Variants in PKD1L1 observed in about 807,000 individuals in gnomAD.
PKD1L1 encodes polycystin-1-like protein 1.
PKD1L1 carries 236 observed loss-of-function variants against 323.4 expected under a neutral mutation model. The ratio of observed to expected loss-of-function variants is 0.73; its 90% CI spans 0.66 to 0.81. The LOEUF is 0.81. PKD1L1 is among the 40% of genes least tolerant of loss of function. The pLI, the probability that PKD1L1 is intolerant of heterozygous loss-of-function variation, is 0.00. For synonymous variants in PKD1L1, 1,344 were observed against 1,335.0 expected (o/e 1.01, Z -0.15); for missense variants, 3,320 against 3,508.0 (o/e 0.95, Z 1.35).
chr7:47,839,679 C>G lies in PKD1L1; in HGVS notation c.5553-17G>C, dbSNP rs1255706247. The G allele has an allele frequency of 1.9e-6, 3 of 1,554,090 alleles. No individual in the cohort carries two copies. The highest frequency in any genetic ancestry group is 2.6e-6 in the Non-Finnish European group (3 of 1,148,220). ...GCAGGAGCGCTGGAGGCACACACAGCAGCATCTCAGCCGGGTGGGTGACAG... is the reference window on the plus strand; with the variant it reads ...GCAGGAGCGCTGGAGGCACACACAGGAGCATCTCAGCCGGGTGGGTGACAG... On this transcript the variant is annotated splice_polypyrimidine_tract_variant and intron_variant, in intron 35 of 56. Transcript: ENST00000289672. This position sits in a 1 kb window ranked among gnomAD's most constrained non-coding sequence, Gnocchi z 4.3.
the PKD1L1 span, chr7:47,957,180 A>T: frequency 5.4e-6 from 1 of 185,606 alleles, no homozygotes; most frequent in Non-Finnish European, 1.2e-5. Context: ...ACCACTAGAA[A>T]TGCTGCAAAT....
At chr7:47,926,187 A>C (rs1787653958) in intron 7 of PKD1L1, among the ~76,000 whole-genome samples, 1 of 152,216 alleles carries the variant, frequency 6.6e-6, no homozygotes, top group Non-Finnish European at 1.5e-5. Context: ...CTTCTCTCTG[A>C]AGGCTGCTAC....
In PKD1L1 at chr7:47,792,714, G is replaced by A. The variant is rs781599981; in HGVS notation, c.8439C>T (p.Pro2813=). The A allele has an allele frequency of 4.3e-6, 7 of 1,614,076 alleles. No homozygotes were observed. Among genetic ancestry groups the A allele is most frequent in the East Asian group, 4.5e-5 (2 of 44,864 alleles). The part of the protein sequence containing the change: ...INGLSDSLQL[P]LLEKTSNNTG... The stretch of plus-strand genomic sequence containing the variant: ...TGTTGTTGGATGTTTTTTCCAGAAG[G>A]GGGAGTTGTAGGCTGTCGGACAAAC... Residue 2813 remains proline, a synonymous_variant, in exon 56 of 57, where the codon CCC becomes CCT. Coordinates refer to ENST00000289672, the MANE Select transcript of PKD1L1 (RefSeq NM_138295.5).
chr7:47,905,549 A>T (rs977601747), intron 10 of PKD1L1, among the ~76,000 whole-genome samples: 6 of 152,232 alleles, frequency 3.9e-5, no homozygotes, highest in Admixed American at 6.5e-5. Context: ...GGTGCTCCTA[A>T]GGCCATAGGG....
At chr7:47,960,737 A>G in the PKD1L1 span, among the ~76,000 whole-genome samples, 1 of 152,024 alleles carries the variant, frequency 6.6e-6, no homozygotes, top group East Asian at 1.9e-4. Flanking sequence ...AGACTTCTCA[A>G]AAGAAGACAA....
In PKD1L1 at chr7:47,829,551, G is replaced by C; in HGVS notation, c.6609C>G (p.His2203Gln). 6.2e-7 allele frequency: 1 copy of C among 1,613,638 alleles called. No individual in the cohort carries two copies. The highest frequency in any genetic ancestry group is 8.5e-7 in the Non-Finnish European group (1 of 1,179,922). ...GFAWKRRADNHFFTESLCEAT... is the reference protein window; with the variant it reads ...GFAWKRRADNQFFTESLCEAT... Reference sequence around the variant, plus strand: ...CCTCACATAAAGACTCAGTAAAAAAGTGGTTGTCAGCTCTTCTTTTCCAAG... The same window carrying C: ...CCTCACATAAAGACTCAGTAAAAAACTGGTTGTCAGCTCTTCTTTTCCAAG... Residue 2203 changes from histidine (H) to glutamine (Q), a missense_variant, in exon 44 of 57, where the codon CAC becomes CAG. Coordinates refer to ENST00000289672, the MANE Select transcript of PKD1L1 (RefSeq NM_138295.5).
At chr7:47,883,879 C>A (rs1786620019) in intron 19 of PKD1L1, among the ~76,000 whole-genome samples, 1 of 152,228 alleles carries the variant, frequency 6.6e-6, no homozygotes, top group Admixed American at 6.5e-5. Context: ...ACTAGACATC[C>A]ATCTCTTCAC....
In PKD1L1 at chr7:47,880,885, G is replaced by T. The variant is rs79012260; in HGVS notation, c.3443-80C>A. The T allele has an allele frequency of 0.29, 323,461 of 1,111,866 alleles. 50,525 individuals are homozygous for T. The highest frequency in any genetic ancestry group is 0.56 in the African/African-American group (34,314 of 61,446). 68.9% of individuals were successfully genotyped at this position (1,111,866 alleles called of 1,614,324 possible). On this transcript the variant is annotated intron_variant, in intron 20 of 56. Coordinates refer to ENST00000289672, the MANE Select transcript of PKD1L1 (RefSeq NM_138295.5). The stretch of plus-strand genomic sequence containing the variant: ...GGTCACACAGAGTCCTTGGAAATGA[G>T]TTCCACTCTTCCCCCAGGGGTGAAA...
At chr7:47,914,468 A>G (rs1201214175) in intron 8 of PKD1L1, among the ~76,000 whole-genome samples, 1 of 152,222 alleles carries the variant, frequency 6.6e-6, no homozygotes, top group Non-Finnish European at 1.5e-5. Context: ...ATGAGGTGGG[A>G]GTGCCCATGC....
the PKD1L1 span, among the ~76,000 whole-genome samples, chr7:47,959,300 G>C: frequency 6.6e-6 from 1 of 151,300 alleles, no homozygotes; most frequent in Admixed American, 6.6e-5. Context: ...GGGATGTGAG[G>C]AGCCCCTCTG....
intron 56 of PKD1L1, among the ~76,000 whole-genome samples, chr7:47,782,667 T>C (rs1248258699): frequency 1.3e-5 from 2 of 152,232 alleles, no homozygotes; most frequent in Non-Finnish European, 2.9e-5. Flanking sequence ...CCATGTGTGC[T>C]AGCTGTAACT....
Position 47,888,013 on chromosome 7 carries a change from G to T in PKD1L1, c.2813C>A (p.Ala938Glu). 6.2e-7 allele frequency: 1 copy of T among 1,613,474 alleles called. No individual in the cohort carries two copies. The highest frequency in any genetic ancestry group is 8.5e-7 in the Non-Finnish European group (1 of 1,179,522). Residue 938 changes from alanine (A) to glutamate (E), a missense_variant, in exon 17 of 57, where the codon GCA becomes GAA. Coordinates refer to ENST00000289672, the MANE Select transcript of PKD1L1 (RefSeq NM_138295.5). Reference sequence around the variant, plus strand: ...ACCTTCTATCCTATTCTTTTCTGTTGCATTGACTAAAAAGAGATCCCAGGA... The same window carrying T: ...ACCTTCTATCCTATTCTTTTCTGTTTCATTGACTAAAAAGAGATCCCAGGA... Reference protein sequence around the residue: ...SYSWDLFLVNATEKNRIEVPF... With the variant: ...SYSWDLFLVNETEKNRIEVPF...
chr7:47,953,809 T>C, the PKD1L1 span, among the ~76,000 whole-genome samples: 2 of 152,196 alleles, frequency 1.3e-5, no homozygotes, highest in African/African-American at 2.4e-5. Flanking sequence ...TCTGCCTCCT[T>C]GGCAGGGTTT....
At chr7:47,813,008 C>T (rs971628259) in intron 49 of PKD1L1, 113 bp downstream of exon 49, 23 of 1,332,252 alleles carry the variant, frequency 1.7e-5, no homozygotes, top group East Asian at 4.6e-5. Flanking sequence ...GCGCTGACCT[C>T]GCAGGCCTGT....
At chr7:47,778,868 C>T (rs976197511) in intron 56 of PKD1L1, among the ~76,000 whole-genome samples, 1 of 152,206 alleles carries the variant, frequency 6.6e-6, no homozygotes, top group African/African-American at 2.4e-5. Context: ...GGACTTACTT[C>T]AAATGCAAGG....
At chr7:47,793,887 G>A (rs1481440833) in intron 55 of PKD1L1, among the ~76,000 whole-genome samples, 1 of 152,152 alleles carries the variant, frequency 6.6e-6, no homozygotes, top group Non-Finnish European at 1.5e-5. Context: ...GGGAACTGGA[G>A]CAAAGGTGAC....
Position 47,796,049 on chromosome 7 carries a change from G to A in PKD1L1, c.8295C>T (p.Val2765=), listed in dbSNP as rs749213464. The A allele has an allele frequency of 1.9e-6, 3 of 1,612,592 alleles. No homozygotes were observed. The highest frequency in any genetic ancestry group is 4.5e-5 in the East Asian group (2 of 44,848). ...KDVTAYMWEK[V]LTFLRLETPK... is the part of the protein sequence containing the mutation. Reference sequence around the variant, plus strand: ...GTGTTTCCAGTCTCAGAAAGGTGAGGACCTTTTCCCACATATAAGCAGTGA... The same window carrying A: ...GTGTTTCCAGTCTCAGAAAGGTGAGAACCTTTTCCCACATATAAGCAGTGA... Residue 2765 remains valine (V), a synonymous_variant, in exon 55 of 57, where the codon GTC becomes GTT. Coordinates refer to ENST00000289672, the MANE Select transcript of PKD1L1 (RefSeq NM_138295.5).
Position 47,931,181 on chromosome 7 carries a change from C to G in PKD1L1, c.660G>C (p.Lys220Asn). ...AGCTGGTCTGAGTGGGTCTGGCCAC[C>G]TTGGTGGGGGTCTCCATCGTGACAG... Reference protein sequence around the residue: ...PGTVTMETPTKVARPTQTSSQ... With the variant: ...PGTVTMETPTNVARPTQTSSQ... Residue 220 changes from lysine (K) to asparagine (N), a missense_variant, in exon 6 of 57, where the codon AAG becomes AAC. Physicochemically the swap from Lys to Asn is moderately conservative, Grantham distance 94. Coordinates refer to ENST00000289672, the MANE Select transcript of PKD1L1 (RefSeq NM_138295.5). 6.2e-7 allele frequency: 1 copy of G among 1,614,188 alleles called. No individual in the cohort carries two copies. Among genetic ancestry groups the G allele is most frequent in the East Asian group, 2.2e-5 (1 of 44,880 alleles).
In PKD1L1 at chr7:47,865,206, T is replaced by C. The variant is rs1241996399; in HGVS notation, c.4149+10A>G. Reference sequence around the variant, plus strand: ...ATAGGAAAATATTTCTGGGAAAAAATTGCACTTACCTTATTAGAGAAGCTC... The same window carrying C: ...ATAGGAAAATATTTCTGGGAAAAAACTGCACTTACCTTATTAGAGAAGCTC... On this transcript the variant is annotated intron_variant, in intron 26 of 56. Transcript: ENST00000289672. 11 of 1,606,304 alleles carry C rather than the reference T, an allele frequency of 6.8e-6. No homozygotes were observed. The highest frequency in any genetic ancestry group is 2.2e-5 in the East Asian group (1 of 44,814).
Sources: allele counts gnomAD v4.1 joint callset (sites outside exome capture counted in the v4.1 genomes callset), GRCh38; gene constraint gnomAD v4.1.1; non-coding constraint Gnocchi (gnomAD v3.1); transcripts MANE v1.5; gene names NCBI Gene and HGNC (gene_info 2026-07-23, HGNC 2026-07-21).